BRME1: variants seen among roughly 807,000 people sequenced by gnomAD.
BRME1 encodes the protein break repair meiotic recombinase recruitment factor 1, also known as BRCA2 and MEILB2-associating protein 1.
BRME1 carries 31 observed loss-of-function variants against 52.6 expected under a neutral mutation model. That is an observed-to-expected ratio of 0.59 (90% CI 0.44 to 0.80). The LOEUF (loss-of-function observed/expected upper bound fraction) is 0.80. Among genes scored for constraint, BRME1 ranks in the 30% least tolerant of loss-of-function variants. The probability of loss-of-function intolerance (pLI) is 0.00; values close to 1 mark genes in which losing one functional copy is unlikely to be tolerated. For missense variants in BRME1, 804 were observed against 860.3 expected (o/e 0.93, Z 0.82); for synonymous variants, 359 against 353.6 (o/e 1.02, Z -0.17).
intron 2 of BRME1, among the ~76,000 whole-genome samples, chr19:13,902,544 G>T (rs947188400): frequency 2.6e-5 from 4 of 152,070 alleles, no homozygotes; most frequent in Middle Eastern, 3.4e-3. Flanking sequence ...GCTGAGGCAG[G>T]AGAATTGCTT....
rs1319614159 is a variant in BRME1, at chr19:13,905,916, C to T, written c.-223G>A. On this transcript the variant is annotated 5_prime_UTR_variant, in exon 1 of 9. Coordinates refer to ENST00000586783, the MANE Select transcript of BRME1 (RefSeq NM_001345843.2). Reference sequence around the variant, plus strand: ...GCCTGAGGGTGGGCGCTGTAGACCCCGCTCCCGGTGACAAGCCCCACACTG... The same window carrying T: ...GCCTGAGGGTGGGCGCTGTAGACCCTGCTCCCGGTGACAAGCCCCACACTG... 6.6e-6 allele frequency: 1 copy of T among 152,218 alleles called. No individual in the cohort carries two copies. Among genetic ancestry groups the T allele is most frequent in the Non-Finnish European group, 1.5e-5 (1 of 68,064 alleles). The allele number at this position is 152,218 out of a possible 1,614,324, so 9.4% of individuals were successfully genotyped here.
intron 2 of BRME1, among the ~76,000 whole-genome samples, chr19:13,903,050 G>C (rs1970407833): frequency 6.6e-6 from 1 of 152,120 alleles, no homozygotes; most frequent in Admixed American, 6.6e-5. Context: ...GGAAAGCTTG[G>C]AGAAGGGTAG....
At chr19:13,891,681 C>T (rs1259268253) in intron 5 of BRME1, among the ~76,000 whole-genome samples, 1 of 151,778 alleles carries the variant, frequency 6.6e-6, no homozygotes, top group South Asian at 2.1e-4. Flanking sequence ...GTTGCCCAGG[C>T]TGGTCTTGAA....
intron 5 of BRME1, among the ~76,000 whole-genome samples, chr19:13,890,942 A>T (rs756755670): frequency 7.9e-5 from 12 of 151,906 alleles, no homozygotes; most frequent in Non-Finnish European, 1.6e-4. Flanking sequence ...CTGTTCAAAG[A>T]CTCAGATATT....
rs1969339923 is a variant in BRME1 at position 13,889,858 on chromosome 19, G to A, written c.998C>T (p.Ser333Phe). 2 of 1,613,246 alleles carry A rather than the reference G, an allele frequency of 1.2e-6. No homozygotes were observed. The highest frequency in any genetic ancestry group is 1.7e-6 in the Non-Finnish European group (2 of 1,179,986). ...EGTHSSLGCSSLGMVVIADLS... is the reference protein window; with the variant it reads ...EGTHSSLGCSFLGMVVIADLS... ...GTCTGCGATGACAACCATCCCGAGG[G>A]AGGAGCATCCCAGGCTGCTATGAGT... The change falls in exon 6 of 9, where the codon TCC becomes TTC. Residue 333 changes from serine to phenylalanine, a missense_variant. Coordinates refer to ENST00000586783, the MANE Select transcript of BRME1 (RefSeq NM_001345843.2).
intron 2 of BRME1, among the ~76,000 whole-genome samples, chr19:13,904,484 C>G (rs139649649): frequency 6.6e-6 from 1 of 151,962 alleles, no homozygotes; most frequent in Non-Finnish European, 1.5e-5. Flanking sequence ...CTCTGTTGCC[C>G]AGGCTAGAGT....
Position 13,882,746 on chromosome 19 carries a change from G to C in BRME1, c.*56C>G. 2 of 1,604,164 alleles carry C rather than the reference G, an allele frequency of 1.2e-6. No individual in the cohort carries two copies. The highest frequency in any genetic ancestry group is 1.7e-6 in the Non-Finnish European group (2 of 1,176,680). On this transcript the variant is annotated 3_prime_UTR_variant, in exon 9 of 9. Coordinates refer to ENST00000586783, the MANE Select transcript of BRME1 (RefSeq NM_001345843.2). Reference sequence around the variant, plus strand: ...CTAGGACCCCCTGGAGCATCTTGGAGGAGGTCTGCGGACATGGGGGCTGGG... The same window carrying C: ...CTAGGACCCCCTGGAGCATCTTGGACGAGGTCTGCGGACATGGGGGCTGGG...
chr19:13,883,422 T>C lies in BRME1; in HGVS notation c.1764-22A>G. 6.6e-7 allele frequency: 1 copy of C among 1,517,710 alleles called. No individual in the cohort carries two copies. Among genetic ancestry groups the C allele is most frequent in the Non-Finnish European group, 8.8e-7 (1 of 1,130,884 alleles). 94.0% of individuals were successfully genotyped at this position (1,517,710 alleles called of 1,614,324 possible). On this transcript the variant is annotated intron_variant, in intron 7 of 8. Transcript: ENST00000586783. This position sits in a 1 kb window ranked among gnomAD's most constrained non-coding sequence, Gnocchi z 4.2. ...GGTCCTGGCCAGCAGGGAAGGAAAT[T>C]GAGAGTGGCCCGACCTCACTGGACT...
chr19:13,893,060 GA>G, intron 4 of BRME1, 81 bp downstream of exon 4: 1 of 1,429,962 alleles, frequency 7.0e-7, no homozygotes, highest in South Asian at 1.2e-5. Context: ...AGCAATTGGT[GA>G]CAAAGAAGGG....
intron 2 of BRME1, among the ~76,000 whole-genome samples, chr19:13,902,607 C>T (rs1013442304): frequency 6.9e-6 from 1 of 145,622 alleles, no homozygotes; most frequent in East Asian, 2.1e-4. Context: ...GCCTGGGCAA[C>T]AAGATCAAGA....
Position 13,889,546 on chromosome 19 carries a change from T to C in BRME1, c.1310A>G (p.His437Arg), listed in dbSNP as rs763741668. The part of the protein sequence containing the change: ...ESMMGAGDSG[H>R]ASPDTGPCVN... ...ACATGGACCTGTGTCCGGGGATGCA[T>C]GACCGGAATCTCCAGCACCCATCAT... Residue 437 changes from histidine (H) to arginine (R), a missense_variant, in exon 6 of 9, where the codon CAT (histidine) becomes CGT (arginine). His to Arg is a conservative substitution (Grantham distance 29). Around this residue, in one of 3 missense-constraint regions of BRME1, gnomAD observed 552 missense variants for 561.1 expected, o/e 0.98. Coordinates refer to ENST00000586783, the MANE Select transcript of BRME1 (RefSeq NM_001345843.2). 5.0e-6 allele frequency: 8 copies of C among 1,613,756 alleles called. No homozygotes were observed. The highest frequency in any genetic ancestry group is 1.3e-5 in the African/African-American group (1 of 75,048).
chr19:13,899,011 A>T (rs1970116011), intron 2 of BRME1, among the ~76,000 whole-genome samples: 1 of 151,614 alleles, frequency 6.6e-6, no homozygotes, highest in Admixed American at 6.6e-5. Flanking sequence ...ACACTTACAC[A>T]TCGTGAAGTA....
chr19:13,896,314 C>T (rs1045059918), intron 2 of BRME1, among the ~76,000 whole-genome samples: 15 of 147,614 alleles, frequency 1.0e-4, no homozygotes, highest in Non-Finnish European at 2.2e-4. Context: ...AAAATACATA[C>T]ATATTCATAT....
rs1318918614 is a variant in BRME1, at chr19:13,889,633, G to A, written c.1223C>T (p.Pro408Leu). ...SGEAGQDGKPPGDVLVGPTAS... is the reference protein window; with the variant it reads ...SGEAGQDGKPLGDVLVGPTAS... Reference sequence around the variant, plus strand: ...TGTAGGGCCCACTAGGACATCGCCGGGGGGCTTGCCATCCTGCCCTGCCTC... The same window carrying A: ...TGTAGGGCCCACTAGGACATCGCCGAGGGGCTTGCCATCCTGCCCTGCCTC... Residue 408 changes from proline to leucine, a missense_variant, in exon 6 of 9, where the codon CCC becomes CTC. This residue lies in a region of BRME1 where 552 missense variants were observed against 561.1 expected (regional missense o/e 0.98). Transcript: ENST00000586783. The A allele has an allele frequency of 6.2e-7, 1 of 1,608,058 alleles. No individual in the cohort carries two copies. The highest frequency in any genetic ancestry group is 1.7e-5 in the Admixed American group (1 of 59,692).
chr19:13,882,608 G>T lies in BRME1; in HGVS notation c.*194C>A. On this transcript the variant is annotated 3_prime_UTR_variant, in exon 9 of 9. Coordinates refer to ENST00000586783, the MANE Select transcript of BRME1 (RefSeq NM_001345843.2). ...ACACAGTTTCCCTCCCTGAAGCCAA[G>T]GGTGGCAAATGACCTTGACCCTGGC... The T allele has an allele frequency of 1.5e-6, 1 of 658,820 alleles. No individual in the cohort carries two copies. The highest frequency in any genetic ancestry group is 2.8e-5 in the East Asian group (1 of 35,664). 40.8% of individuals were successfully genotyped at this position (658,820 alleles called of 1,614,324 possible).
rs1004827399 is a variant in BRME1 at position 13,890,132 on chromosome 19, A to T, written c.724T>A (p.Ser242Thr). 6.2e-7 allele frequency: 1 copy of T among 1,614,134 alleles called. No homozygotes were observed. Among genetic ancestry groups the T allele is most frequent in the Non-Finnish European group, 8.5e-7 (1 of 1,180,018 alleles). ...GQKEHLPSID[S>T]EGEKPDRGAP... The stretch of plus-strand genomic sequence containing the variant: ...CCTCTGTCTGGCTTCTCCCCTTCAG[A>T]ATCAATGCTTGGTAGGTGTTCCTTT... The change falls in exon 6 of 9, where the codon TCT becomes ACT. Residue 242 changes from serine to threonine, a missense_variant. Transcript: ENST00000586783.
intron 7 of BRME1, chr19:13,885,167 G>C (rs1968911904): frequency 6.6e-6 from 1 of 152,462 alleles, no homozygotes; most frequent in African/African-American, 2.4e-5. Flanking sequence ...CCTCTGCTAG[G>C]GGAGGAGAAG....
rs1397855694 is a variant in BRME1, at chr19:13,882,447, G to GA, written c.*354dup. ...CAAAGGGAGCTCTCTTCTCCTCCAG[G>GA]AAAGAAACAAATTCTGAACCATCCA... On this transcript the variant is annotated 3_prime_UTR_variant, in exon 9 of 9. Coordinates refer to ENST00000586783, the MANE Select transcript of BRME1 (RefSeq NM_001345843.2). The GA allele has an allele frequency of 1.9e-5, 8 of 413,540 alleles. No individual in the cohort carries two copies. In the East Asian group the frequency reaches 2.8e-4, roughly 15 times the overall value. 25.6% of individuals were successfully genotyped at this position (413,540 alleles called of 1,614,324 possible). A position where few individuals can be genotyped will look rare whatever the true frequency, so the allele number is the denominator to read the frequency against.
intron 1 of BRME1, among the ~76,000 whole-genome samples, chr19:13,905,263 G>A (rs1970605956): frequency 6.6e-6 from 1 of 152,014 alleles, no homozygotes; most frequent in African/African-American, 2.4e-5. Flanking sequence ...GGGTATCTGG[G>A]GGCCCTTCCA....
Sources: gnomAD v4.1 joint callset for allele counts (sites outside exome capture counted in the v4.1 genomes callset) on GRCh38, gnomAD v4.1.1 for gene constraint, gnomAD v4.1.1 regional missense constraint, Gnocchi (gnomAD v3.1) non-coding constraint, MANE v1.5 for transcripts, NCBI Gene and HGNC (gene_info 2026-07-23, HGNC 2026-07-21) for gene names.